The following DHX33 variants were observed in gnomAD, a reference collection of about 807,000 sequenced individuals.
DHX33 encodes ATP-dependent RNA helicase DHX33.
A neutral mutation model predicts 72.5 loss-of-function variants in DHX33; 42 were observed. The ratio of observed to expected loss-of-function variants is 0.58; its 90% CI spans 0.45 to 0.75. The LOEUF is 0.75. Among genes scored for constraint, DHX33 ranks in the 30% least tolerant of loss-of-function variants. DHX33 has a pLI of 0.00. For missense variants in DHX33, 842 were observed against 917.5 expected (o/e 0.92, Z 1.06); for synonymous variants, 358 against 366.1 (o/e 0.98, Z 0.25).
intron 1 of DHX33, among the ~76,000 whole-genome samples, chr17:5,466,609 T>A (rs1904884848): frequency 6.6e-6 from 1 of 152,182 alleles, no homozygotes; most frequent in Admixed American, 6.5e-5. Context: ...TGAGAGGAAA[T>A]GTATGCAAGA....
At chr17:5,450,437 C>T in intron 9 of DHX33, 31 bp from the exon 10 acceptor site, 1 of 1,604,450 alleles carries the variant, frequency 6.2e-7, no homozygotes, top group South Asian at 1.1e-5. Context: ...TTGTGTAAAC[C>T]CAGCTTTCTC....
At position 5,463,558 on chromosome 17, in the gene DHX33, C is replaced by G. The variant is rs1189129405; in HGVS notation, c.421G>C (p.Asp141His). 2 of 1,614,132 alleles carry G rather than the reference C, an allele frequency of 1.2e-6. No individual in the cohort carries two copies. Among genetic ancestry groups the G allele is most frequent in the Non-Finnish European group, 1.7e-6 (2 of 1,180,004 alleles). ...AAISLATRVS[D>H]EKRTELGKLV... The stretch of plus-strand genomic sequence containing the variant: ...TTCCCAAGTTCAGTTCTCTTCTCAT[C>G]TGAGACTCTAGTAGCAAGAGAGATG... The change falls in exon 2 of 12, where the codon GAT becomes CAT. Residue 141 changes from aspartate to histidine, a missense_variant. Coordinates refer to ENST00000225296, the MANE Select transcript of DHX33 (RefSeq NM_020162.4).
At chr17:5,450,979 T>A (rs752509267) in intron 8 of DHX33, 45 bp from the exon 9 acceptor site, 28 of 1,601,178 alleles carry the variant, frequency 1.7e-5, no homozygotes, top group African/African-American at 5.4e-5. Context: ...TCCAAAAAAA[T>A]GAAGTTGCAG....
At chr17:5,464,054 G>A (rs939783879) in intron 1 of DHX33, among the ~76,000 whole-genome samples, 3 of 152,002 alleles carry the variant, frequency 2.0e-5, no homozygotes, top group South Asian at 4.2e-4. Flanking sequence ...AATGCAAATC[G>A]GCTGGGCACA....
At position 5,442,483 on chromosome 17, in the gene DHX33, C is replaced by G. The variant is rs1916474361; in HGVS notation, c.*1722G>C. On this transcript the variant is annotated 3_prime_UTR_variant, in exon 12 of 12. Coordinates refer to ENST00000225296, the MANE Select transcript of DHX33 (RefSeq NM_020162.4). ...AGGTATATAGGAGCTGTCAGATCTT[C>G]TTTTGCCCACGTATAACCATTTCTG... 6.6e-6 allele frequency: 1 copy of G among 152,104 alleles called. No individual in the cohort carries two copies. Among genetic ancestry groups the G allele is most frequent in the South Asian group, 2.1e-4 (1 of 4,826 alleles). The allele number at this position is 152,104 out of a possible 1,614,324, so 9.4% of individuals were successfully genotyped here. A position where few individuals can be genotyped will look rare whatever the true frequency, so the allele number is the denominator to read the frequency against.
In DHX33 at chr17:5,440,922, G is replaced by C. The variant is rs1411782803; in HGVS notation, c.*3283C>G. 6.6e-6 allele frequency: 1 copy of C among 152,150 alleles called. No individual in the cohort carries two copies. Among genetic ancestry groups the C allele is most frequent in the Admixed American group, 6.5e-5 (1 of 15,282 alleles). 9.4% of individuals were successfully genotyped at this position (152,150 alleles called of 1,614,324 possible). A position where few individuals can be genotyped will look rare whatever the true frequency, so the allele number is the denominator to read the frequency against. On this transcript the variant is annotated 3_prime_UTR_variant, in exon 12 of 12. Coordinates refer to ENST00000225296, the MANE Select transcript of DHX33 (RefSeq NM_020162.4). The stretch of plus-strand genomic sequence containing the variant: ...AACAAGCCACACACATCATATACAA[G>C]ATTCATTTTTAATGGATTTGATCGT...
intron 2 of DHX33, 104 bp downstream of exon 2, chr17:5,463,425 C>T (rs962643399): frequency 1.1e-5 from 13 of 1,204,810 alleles, no homozygotes; most frequent in African/African-American, 1.5e-5. Flanking sequence ...AAGAAAGCAG[C>T]TCACTATGTA....
intron 10 of DHX33, 142 bp from the exon 11 acceptor site, chr17:5,449,037 TC>T: frequency 2.0e-6 from 1 of 511,916 alleles, no homozygotes; most frequent in Non-Finnish European, 3.5e-6. Context: ...CACCTCAGCC[TC>T]CCAGATAGCT....
chr17:5,449,296 G>C (rs1369083853), intron 10 of DHX33, among the ~76,000 whole-genome samples: 1 of 151,986 alleles, frequency 6.6e-6, no homozygotes, highest in Non-Finnish European at 1.5e-5. Context: ...TAAATGATTA[G>C]AATCTCTAGA....
intron 1 of DHX33, among the ~76,000 whole-genome samples, chr17:5,467,937 C>T (rs908983710): frequency 1.3e-5 from 2 of 152,182 alleles, no homozygotes; most frequent in Non-Finnish European, 2.9e-5. Context: ...AAATAGCTCA[C>T]ATCCAAATCC....
chr17:5,450,558 T>C, intron 9 of DHX33, 152 bp from the exon 10 acceptor site: 4 of 991,126 alleles, frequency 4.0e-6, no homozygotes, highest in Non-Finnish European at 5.8e-6. Flanking sequence ...GTTATTTCAC[T>C]CTTTAATATT....
intron 4 of DHX33, among the ~76,000 whole-genome samples, chr17:5,459,768 C>T (rs1904494861): frequency 6.6e-6 from 1 of 151,788 alleles, no homozygotes; most frequent in African/African-American, 2.4e-5. Flanking sequence ...ATCAGAGTAC[C>T]CTACATGTAG....
In DHX33 at chr17:5,455,213, C is replaced by T; in HGVS notation, c.1094G>A (p.Gly365Glu). The change falls in exon 6 of 12, where the codon GGA (glycine) becomes GAA (glutamate). Residue 365 changes from glycine (G) to glutamate (E), a missense_variant. Gly to Glu is a moderately conservative substitution (Grantham distance 98). Coordinates refer to ENST00000225296, the MANE Select transcript of DHX33 (RefSeq NM_020162.4). ...GCCCGTGTCAACTACATATTTTATT[C>T]CTGTAATGGTTATGGAGGTTTCAGC... ...NIAETSITIT[G>E]IKYVVDTGMV... 1 of 1,614,112 alleles carries T rather than the reference C, an allele frequency of 6.2e-7. No homozygotes were observed. Among genetic ancestry groups the T allele is most frequent in the Non-Finnish European group, 8.5e-7 (1 of 1,180,022 alleles).
In DHX33 at chr17:5,459,355, A is replaced by T. The variant is rs139529535; in HGVS notation, c.849+1584T>A. Among the ~76,000 whole-genome samples the T allele has an allele frequency of 3.1e-3, 476 of 151,558 alleles. 2 individuals carry two copies. Among genetic ancestry groups the T allele is most frequent in the African/African-American group, 0.011 (450 of 41,036 alleles). ...TTTGAAGTAAATGTTTAATAAAATGAGAAAATATTTTTAAATATTCTCCTA... is the reference window on the plus strand; with the variant it reads ...TTTGAAGTAAATGTTTAATAAAATGTGAAAATATTTTTAAATATTCTCCTA... On this transcript the variant is annotated intron_variant, in intron 4 of 11. Transcript: ENST00000225296.
chr17:5,462,862 G>A lies in DHX33; in HGVS notation c.451-316C>T, dbSNP rs567132823. Among the ~76,000 whole-genome samples, 4 of 152,190 alleles carry A rather than the reference G, an allele frequency of 2.6e-5. No homozygotes were observed. The South Asian group carries it at 6.2e-4, about 24-fold the overall frequency. On this transcript the variant is annotated intron_variant, in intron 2 of 11. Transcript: ENST00000225296. ...TGGGAGGTTGGGGCAGGCAGATCAC[G>A]AGGTCAGGAGTTTGAGACCAGCCTG...
intron 11 of DHX33, among the ~76,000 whole-genome samples, chr17:5,445,368 C>T (rs940829296): frequency 1.2e-4 from 18 of 152,310 alleles, no homozygotes; most frequent in East Asian, 9.6e-4. Context: ...CGTGAGCCAC[C>T]GCGCCCGGCC....
At position 5,444,632 on chromosome 17, in the gene DHX33, A is replaced by C; in HGVS notation, c.1816-119T>G. 9.6e-7 allele frequency: 1 copy of C among 1,044,216 alleles called. No individual in the cohort carries two copies. Among genetic ancestry groups the C allele is most frequent in the African/African-American group, 1.6e-5 (1 of 62,772 alleles). The allele number at this position is 1,044,216 out of a possible 1,614,324, so 64.7% of individuals were successfully genotyped here. A position where few individuals can be genotyped will look rare whatever the true frequency, so the allele number is the denominator to read the frequency against. ...CAAAAGCAGCCCACATTGTGAGCCT[A>C]ACGATGTGGATTCTGACATTCGGAG... On this transcript the variant is annotated intron_variant, in intron 11 of 11. Coordinates refer to ENST00000225296, the MANE Select transcript of DHX33 (RefSeq NM_020162.4). This position sits in a 1 kb window ranked among gnomAD's most constrained non-coding sequence, Gnocchi z 4.9.
At chr17:5,447,889 G>A (rs372333677) in intron 11 of DHX33, among the ~76,000 whole-genome samples, 12 of 151,878 alleles carry the variant, frequency 7.9e-5, no homozygotes, top group Middle Eastern at 3.4e-3. Flanking sequence ...TGAGAAATAC[G>A]CATGTGAGGC....
intron 6 of DHX33, 97 bp from the exon 7 acceptor site, chr17:5,454,077 C>G: frequency 7.1e-7 from 1 of 1,411,154 alleles, no homozygotes; most frequent in Non-Finnish European, 9.6e-7. Flanking sequence ...CTTTCAGCAA[C>G]ACGGGGGTCC....
Sources: allele counts gnomAD v4.1 joint callset (sites outside exome capture counted in the v4.1 genomes callset), GRCh38; gene constraint gnomAD v4.1.1; non-coding constraint Gnocchi (gnomAD v3.1); transcripts MANE v1.5; gene names NCBI Gene and HGNC (gene_info 2026-07-23, HGNC 2026-07-21).